The following GALNT13 variants were observed in gnomAD, a reference collection of about 807,000 sequenced individuals.
GALNT13 encodes the protein UDP-GalNAc:polypeptide N-acetylgalactosaminyltransferase 13.
GALNT13 carries 28 observed loss-of-function variants against 64.2 expected under a neutral mutation model. The observed-to-expected ratio is 0.44, with a 90% CI of 0.32 to 0.60. The LOEUF (loss-of-function observed/expected upper bound fraction) is 0.60. Among genes scored for constraint, GALNT13 ranks in the 20% least tolerant of loss-of-function variants. The pLI, the probability that GALNT13 is intolerant of heterozygous loss-of-function variation, is 0.05. For synonymous variants in GALNT13, 214 were observed against 224.6 expected, an observed-to-expected ratio of 0.95 and a Z score of 0.42; for missense variants, 577 against 669.8, an observed-to-expected ratio of 0.86 and a Z score of 1.53.
chr2:153,394,025 A>C, the GALNT13 span, among the ~76,000 whole-genome samples: 1 of 151,392 alleles, frequency 6.6e-6, no homozygotes, highest in South Asian at 2.1e-4. Context: ...GGGAACCTTG[A>C]CTAATATAGG....
chr2:153,395,598 A>G, the GALNT13 span, among the ~76,000 whole-genome samples: 8 of 152,142 alleles, frequency 5.3e-5, no homozygotes, highest in African/African-American at 1.9e-4. Context: ...GAGTTTCTAT[A>G]TAGAAAAAAT....
chr2:153,436,967 CTA>C, the GALNT13 span, among the ~76,000 whole-genome samples: 1 of 152,054 alleles, frequency 6.6e-6, no homozygotes, highest in Non-Finnish European at 1.5e-5. Context: ...GCATTTAGTG[CTA>C]TAAATTTCCC....
the GALNT13 span, among the ~76,000 whole-genome samples, chr2:153,729,229 T>G: frequency 1.2e-4 from 19 of 152,136 alleles, 1 homozygote; most frequent in African/African-American, 4.6e-4. Flanking sequence ...TTTAAAACCC[T>G]TTTTCCATTG....
chr2:153,630,822 T>TATTATACTTTAAG, the GALNT13 span, among the ~76,000 whole-genome samples: 1 of 91,990 alleles, frequency 1.1e-5, no homozygotes, highest in African/African-American at 4.0e-5. Flanking sequence ...TTTTTTTTTT[T>TATTATACTTTAAG]TTATTATACT....
At chr2:154,149,719 C>A (rs537175854) in intron 4 of GALNT13, among the ~76,000 whole-genome samples, 2 of 152,200 alleles carry the variant, frequency 1.3e-5, no homozygotes, top group African/African-American at 4.8e-5. Context: ...CATGATTTGG[C>A]TCTCTGTTTG....
chr2:153,601,565 T>C, the GALNT13 span, among the ~76,000 whole-genome samples: 1 of 151,500 alleles, frequency 6.6e-6, no homozygotes, highest in Non-Finnish European at 1.5e-5. Context: ...ATGCAATTTC[T>C]CAAGCAGAAC....
chr2:153,776,331 A>C, the GALNT13 span, among the ~76,000 whole-genome samples: 1 of 152,220 alleles, frequency 6.6e-6, no homozygotes. Context: ...TTGTGAATAC[A>C]ACTGTACAAG....
chr2:154,426,487 A>G (rs1371610540), intron 11 of GALNT13, among the ~76,000 whole-genome samples: 2 of 152,232 alleles, frequency 1.3e-5, no homozygotes, highest in African/African-American at 2.4e-5. Flanking sequence ...ACCTTCGGTC[A>G]TCTGCAAATT....
At chr2:154,417,901 A>G (rs1700092142) in intron 11 of GALNT13, among the ~76,000 whole-genome samples, 1 of 152,038 alleles carries the variant, frequency 6.6e-6, no homozygotes, top group African/African-American at 2.4e-5. Context: ...GCTTTTCAAT[A>G]TACATTTATA....
chr2:154,293,759 TA>T (rs1169992479), intron 8 of GALNT13, among the ~76,000 whole-genome samples: 1 of 152,226 alleles, frequency 6.6e-6, no homozygotes, highest in Non-Finnish European at 1.5e-5. Context: ...CACTGCCTTT[TA>T]AAATGTTGAG....
chr2:154,272,028 C>T (rs978481000), intron 8 of GALNT13, among the ~76,000 whole-genome samples: 2 of 151,636 alleles, frequency 1.3e-5, no homozygotes, highest in African/African-American at 2.4e-5. Context: ...AAAAAGAAAT[C>T]GAATGAAAAT....
At chr2:153,628,106 A>G in the GALNT13 span, among the ~76,000 whole-genome samples, 1 of 152,006 alleles carries the variant, frequency 6.6e-6, no homozygotes, top group African/African-American at 2.4e-5. Context: ...ATTCTCTTTG[A>G]AGCAATTGTG....
the GALNT13 span, among the ~76,000 whole-genome samples, chr2:153,167,310 A>G: frequency 2.0e-5 from 3 of 152,178 alleles, no homozygotes; most frequent in Non-Finnish European, 4.4e-5. Flanking sequence ...GGCCCATTGA[A>G]TCTGGACAGA....
At chr2:154,074,648 A>G (rs1175412352) in intron 3 of GALNT13, among the ~76,000 whole-genome samples, 1 of 151,982 alleles carries the variant, frequency 6.6e-6, no homozygotes, top group Non-Finnish European at 1.5e-5. Context: ...AGAAAACTTC[A>G]GGCCAATATC....
intron 4 of GALNT13, among the ~76,000 whole-genome samples, chr2:154,184,510 G>A (rs987869541): frequency 5.3e-5 from 8 of 151,390 alleles, no homozygotes; most frequent in African/African-American, 1.9e-4. Context: ...TCTTTTCATA[G>A]TGATATACTT....
chr2:153,258,189 C>G, the GALNT13 span, among the ~76,000 whole-genome samples: 5 of 152,124 alleles, frequency 3.3e-5, no homozygotes, highest in African/African-American at 9.7e-5. Context: ...GGGCTTTATG[C>G]AAATAATCAG....
the GALNT13 span, among the ~76,000 whole-genome samples, chr2:153,115,469 C>T: frequency 1.3e-5 from 2 of 152,314 alleles, no homozygotes; most frequent in East Asian, 3.9e-4. Context: ...CATGTTTTCA[C>T]TTGATTTTGG....
chr2:153,950,849 T>C (rs1426602707), intron 3 of GALNT13, among the ~76,000 whole-genome samples: 1 of 151,974 alleles, frequency 6.6e-6, no homozygotes, highest in Non-Finnish European at 1.5e-5. Context: ...ACACGATAAT[T>C]TGTACCCCAA....
intron 3 of GALNT13, among the ~76,000 whole-genome samples, chr2:154,090,684 G>A (rs1175403506): frequency 2.6e-5 from 4 of 151,840 alleles, no homozygotes; most frequent in Non-Finnish European, 2.9e-5. Context: ...TCAAATTTCC[G>A]TTACCATTAT....
Sources: gnomAD v4.1 joint callset for allele counts (sites outside exome capture counted in the v4.1 genomes callset) on GRCh38, gnomAD v4.1.1 for gene constraint, MANE v1.5 for transcripts, NCBI Gene and HGNC (gene_info 2026-07-23, HGNC 2026-07-21) for gene names.